Variants in ADARB2 observed in about 807,000 individuals in gnomAD.
ADARB2 encodes adenosine deaminase RNA specific B2 (inactive), also known as inactive double-stranded RNA-specific editase B2.
In ADARB2, 25 loss-of-function variants were observed where a neutral mutation model predicts 62.2. The ratio of observed to expected loss-of-function variants is 0.40; its 90% confidence interval spans 0.29 to 0.56. The LOEUF (loss-of-function observed/expected upper bound fraction) is 0.56. ADARB2 is among the 20% of genes least tolerant of loss of function. The probability of loss-of-function intolerance (pLI) is 0.43; values close to 1 mark genes in which losing one functional copy is unlikely to be tolerated. For missense variants in ADARB2, 1,071 were observed against 1,077.4 expected, an observed-to-expected ratio of 0.99 and a Z score of 0.08; for synonymous variants, 572 against 500.8, an observed-to-expected ratio of 1.14 and a Z score of -1.90.
chr10:1,719,051 C>T (rs1835056825), intron 1 of ADARB2, among the ~76,000 whole-genome samples: 1 of 152,048 alleles, frequency 6.6e-6, no homozygotes, highest in East Asian at 1.9e-4. Flanking sequence ...ACCTCTGCCT[C>T]CCAGGTTCAA....
chr10:1,452,716 G>C (rs963459496), intron 1 of ADARB2, among the ~76,000 whole-genome samples: 2 of 122,026 alleles, frequency 1.6e-5, no homozygotes, highest in African/African-American at 3.2e-5. Flanking sequence ...CAGGTTGATG[G>C]GTGCAGCAAA....
intron 3 of ADARB2, among the ~76,000 whole-genome samples, chr10:1,315,985 A>C (rs533291941): frequency 6.6e-6 from 1 of 152,322 alleles, no homozygotes; most frequent in East Asian, 1.9e-4. Context: ...TAAGGGTATA[A>C]TTACCATTTT....
intron 4 of ADARB2, among the ~76,000 whole-genome samples, chr10:1,256,499 C>T (rs934126669): frequency 1.3e-5 from 2 of 152,292 alleles, no homozygotes; most frequent in African/African-American, 2.4e-5. Flanking sequence ...TAAAAAGGTG[C>T]GTGTTTGCAA....
At chr10:1,574,197 C>T (rs750645453) in intron 1 of ADARB2, among the ~76,000 whole-genome samples, 30 of 152,304 alleles carry the variant, frequency 2.0e-4, no homozygotes, top group Non-Finnish European at 3.5e-4. Flanking sequence ...GCCGAGAGCA[C>T]GGAACGGACA....
intron 4 of ADARB2, among the ~76,000 whole-genome samples, chr10:1,261,557 T>C (rs376296928): frequency 0.014 from 2,086 of 148,312 alleles, 75 homozygotes; most frequent in African/African-American, 0.044. Flanking sequence ...AAATGCTCAT[T>C]ATCACTGGCC....
intron 1 of ADARB2, among the ~76,000 whole-genome samples, chr10:1,454,890 C>G (rs1831078915): frequency 6.6e-6 from 1 of 152,240 alleles, no homozygotes; most frequent in East Asian, 1.9e-4. Flanking sequence ...CTGAGCTTTA[C>G]AAGCAACTCA....
intron 1 of ADARB2, among the ~76,000 whole-genome samples, chr10:1,731,133 T>C (rs1267312257): frequency 2.0e-5 from 3 of 152,206 alleles, no homozygotes; most frequent in Non-Finnish European, 2.9e-5. Flanking sequence ...TGTGGATCTC[T>C]TGAAAAGCAA....
At chr10:1,470,084 GCCTGACCCTCTCCCAGGGTCATCTGA>G (rs55977512) in intron 1 of ADARB2, among the ~76,000 whole-genome samples, 1 of 149,192 alleles carries the variant, frequency 6.7e-6, no homozygotes, top group Non-Finnish European at 1.5e-5. Context: ...AGGTCATCCA[GCCTGACCCTCTCCCAGGGTCATCTGA>G]CCTGACCCTC....
intron 1 of ADARB2, among the ~76,000 whole-genome samples, chr10:1,499,493 C>A (rs1831736590): frequency 6.6e-6 from 1 of 151,862 alleles, no homozygotes; most frequent in African/African-American, 2.4e-5. Flanking sequence ...CTACTCATCA[C>A]TCACCTATCA....
chr10:1,288,207 AT>A (rs1831431127), intron 3 of ADARB2, among the ~76,000 whole-genome samples: 1 of 152,202 alleles, frequency 6.6e-6, no homozygotes, highest in South Asian at 2.1e-4. Context: ...TTTCACCCCC[AT>A]CCCTGTCCCT....
At chr10:1,635,794 A>G (rs963407402) in intron 1 of ADARB2, among the ~76,000 whole-genome samples, 17 of 152,260 alleles carry the variant, frequency 1.1e-4, no homozygotes, top group African/African-American at 3.9e-4. Flanking sequence ...GTTCCTTGCA[A>G]TAGGCTTTGG....
At chr10:1,462,513 T>C (rs572684957) in intron 1 of ADARB2, among the ~76,000 whole-genome samples, 1 of 152,314 alleles carries the variant, frequency 6.6e-6, no homozygotes, top group African/African-American at 2.4e-5. Flanking sequence ...TGCATGAGTG[T>C]AGTGTGCCTG....
At chr10:1,610,149 C>T (rs923343198) in intron 1 of ADARB2, among the ~76,000 whole-genome samples, 2 of 152,126 alleles carry the variant, frequency 1.3e-5, no homozygotes, top group African/African-American at 4.8e-5. Context: ...GATAAATGCT[C>T]CTAGGCCCCC....
intron 6 of ADARB2, among the ~76,000 whole-genome samples, chr10:1,232,078 A>G (rs747090261): frequency 6.6e-6 from 1 of 152,166 alleles, no homozygotes; most frequent in Non-Finnish European, 1.5e-5. Context: ...TGTGCTGTCC[A>G]TGTATGTCTG....
At chr10:1,289,684 C>T (rs766922601) in intron 3 of ADARB2, among the ~76,000 whole-genome samples, 5 of 152,400 alleles carry the variant, frequency 3.3e-5, no homozygotes, top group South Asian at 2.1e-4. Context: ...CTCTGCCCCT[C>T]GCTTTGGTCT....
At chr10:1,602,194 A>G (rs1833425732) in intron 1 of ADARB2, among the ~76,000 whole-genome samples, 1 of 152,162 alleles carries the variant, frequency 6.6e-6, no homozygotes, top group Admixed American at 6.5e-5. Context: ...AGAGACCCTG[A>G]TGTGGACTTT....
chr10:1,571,969 A>C (rs939935298), intron 1 of ADARB2, among the ~76,000 whole-genome samples: 1 of 144,948 alleles, frequency 6.9e-6, no homozygotes, highest in East Asian at 2.0e-4. Context: ...GTGAGTGTGC[A>C]GGTGAGTGTG....
Position 1,737,130 on chromosome 10 carries a change from G to A in ADARB2, c.21C>T (p.Ser7=), listed in dbSNP as rs1310961422. 3.7e-6 allele frequency: 6 copies of A among 1,609,086 alleles called. No homozygotes were observed. In the African/African-American group the frequency reaches 4.0e-5, roughly 11 times the overall value. The change falls in exon 1 of 10, where the codon AGC becomes AGT. Residue 7 remains serine (S), a synonymous_variant. Coordinates refer to ENST00000381312, the MANE Select transcript of ADARB2 (RefSeq NM_018702.4). The part of the protein sequence containing the change: MASVLG[S]GRGSGGLSSQ... ...TGCTCAGCCCTCCAGACCCTCTGCC[G>A]CTCCCCAGGACCGAGGCCATGGCCG...
intron 1 of ADARB2, among the ~76,000 whole-genome samples, chr10:1,633,549 C>CT (rs71482830): frequency 3.0e-4 from 31 of 101,704 alleles, no homozygotes; most frequent in Non-Finnish European, 4.6e-4. Flanking sequence ...GTCTATCTAT[C>CT]ATCTATCTAT....
Sources: gnomAD v4.1 joint callset for allele counts (sites outside exome capture counted in the v4.1 genomes callset) on GRCh38, gnomAD v4.1.1 for gene constraint, MANE v1.5 for transcripts, NCBI Gene and HGNC (gene_info 2026-07-23, HGNC 2026-07-21) for gene names.